The following PPARGC1A variants were observed in gnomAD, a reference collection of about 807,000 sequenced individuals.
PPARGC1A encodes the protein peroxisome proliferator-activated receptor gamma coactivator 1-alpha.
In PPARGC1A, 25 loss-of-function variants were observed where a neutral mutation model predicts 88.7. The observed-to-expected ratio is 0.28, with a 90% confidence interval of 0.21 to 0.39. The LOEUF is 0.39. PPARGC1A is among the 10% of genes least tolerant of loss of function. The pLI, the probability that PPARGC1A is intolerant of heterozygous loss-of-function variation, is 1.00. For missense variants in PPARGC1A, 880 were observed against 968.7 expected (o/e 0.91, Z 1.22); for synonymous variants, 363 against 355.6 (o/e 1.02, Z -0.24).
At chr4:24,271,638 A>G in the PPARGC1A span, among the ~76,000 whole-genome samples, 1 of 151,990 alleles carries the variant, frequency 6.6e-6, no homozygotes, top group African/African-American at 2.4e-5. Flanking sequence ...CAGCCTCCCA[A>G]AGTGCTGGGA....
chr4:24,204,867 A>T, the PPARGC1A span, among the ~76,000 whole-genome samples: 17 of 152,262 alleles, frequency 1.1e-4, no homozygotes, highest in African/African-American at 4.1e-4. Flanking sequence ...TCTGTCACCC[A>T]GGCTGGAATG....
the PPARGC1A span, among the ~76,000 whole-genome samples, chr4:24,318,959 G>C: frequency 6.6e-6 from 1 of 152,128 alleles, no homozygotes; most frequent in African/African-American, 2.4e-5. Flanking sequence ...GTAGTTGGAG[G>C]ATAACAGGGA....
At chr4:24,294,792 G>A in the PPARGC1A span, among the ~76,000 whole-genome samples, 1 of 152,196 alleles carries the variant, frequency 6.6e-6, no homozygotes, top group African/African-American at 2.4e-5. Flanking sequence ...AAGATGCAAT[G>A]ACAAGACAAG....
chr4:24,356,837 G>A, the PPARGC1A span, among the ~76,000 whole-genome samples: 1 of 152,180 alleles, frequency 6.6e-6, no homozygotes, highest in Non-Finnish European at 1.5e-5. Context: ...GGAGAAAACT[G>A]AGATTTAGAT....
upstream of PPARGC1A, among the ~76,000 whole-genome samples, chr4:23,906,919 T>C (rs1720115648): frequency 6.6e-6 from 1 of 152,104 alleles, no homozygotes; most frequent in Non-Finnish European, 1.5e-5. Context: ...TAAAACAAAC[T>C]CCACTAAATT....
the PPARGC1A span, among the ~76,000 whole-genome samples, chr4:23,991,828 G>A: frequency 1.4e-4 from 22 of 152,078 alleles, no homozygotes; most frequent in African/African-American, 4.3e-4. Flanking sequence ...AAAATTTAAC[G>A]TGTGATAAAG....
rs148212399 is a variant in PPARGC1A at position 23,857,373 on chromosome 4, G to GTGTGTGTGT, written c.235-25623_235-25622insACACACACA. Among the ~76,000 whole-genome samples the GTGTGTGTGT allele has an allele frequency of 5.9e-3, 616 of 104,438 alleles. 4 individuals are homozygous for GTGTGTGTGT. Among genetic ancestry groups the GTGTGTGTGT allele is most frequent in the Middle Eastern group, 0.033 (7 of 214 alleles). The allele number at this position is 104,438 out of a possible 152,430, so 68.5% of individuals were successfully genotyped here. A position where few individuals can be genotyped will look rare whatever the true frequency, so the allele number is the denominator to read the frequency against. The stretch of plus-strand genomic sequence containing the variant: ...ATTTAGTATGTGCGTGTGTGTGTGT[G>GTGTGTGTGT]ACACACACACACACGCACGTACTAA... On this transcript the variant is annotated intron_variant, in intron 2 of 12. Transcript: ENST00000264867.
At chr4:24,092,940 T>C in the PPARGC1A span, among the ~76,000 whole-genome samples, 2 of 152,226 alleles carry the variant, frequency 1.3e-5, no homozygotes, top group Admixed American at 1.3e-4. Context: ...TGATCTATTA[T>C]TGCACACACA....
chr4:24,289,135 G>A, the PPARGC1A span, among the ~76,000 whole-genome samples: 6 of 147,624 alleles, frequency 4.1e-5, no homozygotes, highest in East Asian at 4.0e-4. Context: ...CAGAAGAATC[G>A]CTTGAACCCG....
chr4:24,150,839 T>C, the PPARGC1A span, among the ~76,000 whole-genome samples: 8 of 152,266 alleles, frequency 5.3e-5, no homozygotes, highest in Admixed American at 4.6e-4. Context: ...TTGTGCATTA[T>C]ACCATGGCTG....
At chr4:23,806,544 C>T (rs1034641807) in intron 10 of PPARGC1A, among the ~76,000 whole-genome samples, 4 of 152,250 alleles carry the variant, frequency 2.6e-5, no homozygotes, top group South Asian at 2.1e-4. Flanking sequence ...AAATGATTTT[C>T]GGACCAGTTT....
At chr4:24,305,057 A>G in the PPARGC1A span, among the ~76,000 whole-genome samples, 2 of 151,706 alleles carry the variant, frequency 1.3e-5, no homozygotes, top group African/African-American at 4.8e-5. Flanking sequence ...ATCAAAATCA[A>G]TTAAATGAGA....
chr4:24,008,481 C>A, the PPARGC1A span, among the ~76,000 whole-genome samples: 3 of 152,114 alleles, frequency 2.0e-5, no homozygotes, highest in Non-Finnish European at 4.4e-5. Context: ...CTAATAAAGT[C>A]TCAGTGTAAA....
At chr4:24,364,097 T>G in the PPARGC1A span, among the ~76,000 whole-genome samples, 2 of 152,134 alleles carry the variant, frequency 1.3e-5, no homozygotes, top group African/African-American at 4.8e-5. Flanking sequence ...TTTTAACAAC[T>G]GCCACAACTG....
At chr4:24,373,246 G>A in the PPARGC1A span, among the ~76,000 whole-genome samples, 1 of 152,226 alleles carries the variant, frequency 6.6e-6, no homozygotes, top group Non-Finnish European at 1.5e-5. Context: ...GGGCAAAGAG[G>A]TGTCTGCAGC....
intron 1 of PPARGC1A, among the ~76,000 whole-genome samples, chr4:23,887,553 T>C (rs1230957547): frequency 6.6e-6 from 1 of 152,212 alleles, no homozygotes; most frequent in Non-Finnish European, 1.5e-5. Flanking sequence ...AATTTTATAA[T>C]AAGATTTAAG....
the PPARGC1A span, among the ~76,000 whole-genome samples, chr4:24,054,750 A>G: frequency 2.0e-5 from 3 of 152,258 alleles, no homozygotes; most frequent in Non-Finnish European, 4.4e-5. Flanking sequence ...ATGTCAGTAC[A>G]TAATTTCTAG....
At chr4:24,206,551 AG>A in the PPARGC1A span, among the ~76,000 whole-genome samples, 2 of 152,146 alleles carry the variant, frequency 1.3e-5, no homozygotes, top group Non-Finnish European at 2.9e-5. Context: ...ATTGGAGGCC[AG>A]GGGGCATGGT....
chr4:24,260,156 C>T, the PPARGC1A span, among the ~76,000 whole-genome samples: 1 of 152,214 alleles, frequency 6.6e-6, no homozygotes, highest in African/African-American at 2.4e-5. Context: ...TAAGTATAAG[C>T]TTCTCTCAAA....
Sources: allele counts gnomAD v4.1 joint callset (sites outside exome capture counted in the v4.1 genomes callset), GRCh38; gene constraint gnomAD v4.1.1; transcripts MANE v1.5; gene names NCBI Gene and HGNC (gene_info 2026-07-23, HGNC 2026-07-21).